ACYP2: variants seen among roughly 807,000 people sequenced by gnomAD.
ACYP2 encodes acylphosphatase 2, also known as acylphosphatase-2.
ACYP2 carries 12 observed loss-of-function variants against 11.2 expected under a neutral mutation model. The observed-to-expected ratio is 1.08, with a 90% CI of 0.69 to 1.74. The LOEUF (loss-of-function observed/expected upper bound fraction) is 1.74, where lower values mean the gene tolerates loss of function less well. Ranked by LOEUF, ACYP2 falls within the 40% of genes most tolerant of loss-of-function variation. ACYP2 has a pLI of 0.00. For missense variants in ACYP2, 134 were observed against 101.9 expected, an observed-to-expected ratio of 1.31 and a Z score of -1.35; for synonymous variants, 43 against 32.2, an observed-to-expected ratio of 1.33 and a Z score of -1.13.
At chr2:54,133,080 C>T (rs990029526) in intron 4 of ACYP2, among the ~76,000 whole-genome samples, 1 of 152,112 alleles carries the variant, frequency 6.6e-6, no homozygotes, top group Non-Finnish European at 1.5e-5. Flanking sequence ...GTCATGTAAT[C>T]CTCACCACAA....
At chr2:54,061,985 A>C (rs569551901) in intron 4 of ACYP2, among the ~76,000 whole-genome samples, 34 of 152,370 alleles carry the variant, frequency 2.2e-4, no homozygotes, top group Non-Finnish European at 3.1e-4. Context: ...TATTTTATTA[A>C]TATCTTACAT....
intron 4 of ACYP2, among the ~76,000 whole-genome samples, chr2:54,127,249 G>A (rs1235903530): frequency 1.3e-5 from 2 of 152,002 alleles, no homozygotes; most frequent in African/African-American, 2.4e-5. Flanking sequence ...TCAGTGCTAT[G>A]CTTCTATGTT....
At chr2:54,242,555 T>A (rs1391322954) in intron 6 of ACYP2, among the ~76,000 whole-genome samples, 1 of 152,254 alleles carries the variant, frequency 6.6e-6, no homozygotes, top group Non-Finnish European at 1.5e-5. Context: ...ATTCAACATT[T>A]TGATCAACGA....
chr2:54,199,033 G>T (rs544483681), intron 6 of ACYP2, among the ~76,000 whole-genome samples: 3 of 152,178 alleles, frequency 2.0e-5, no homozygotes, highest in Non-Finnish European at 4.4e-5. Context: ...ACACAGGGAA[G>T]TAACACAAAT....
chr2:54,226,687 T>C (rs1164880301), intron 6 of ACYP2, among the ~76,000 whole-genome samples: 1 of 152,178 alleles, frequency 6.6e-6, no homozygotes, highest in Non-Finnish European at 1.5e-5. Context: ...CTTTTCCAAT[T>C]TGATGTTCTT....
At chr2:54,164,348 C>G (rs752205176) in intron 6 of ACYP2, among the ~76,000 whole-genome samples, 2 of 152,116 alleles carry the variant, frequency 1.3e-5, no homozygotes, top group Non-Finnish European at 2.9e-5. Flanking sequence ...GACTTAGTCC[C>G]TTGTGCACCA....
intron 6 of ACYP2, among the ~76,000 whole-genome samples, chr2:54,270,162 C>T (rs547610316): frequency 2.6e-5 from 4 of 152,042 alleles, no homozygotes; most frequent in Non-Finnish European, 5.9e-5. Flanking sequence ...ATTATGTTTC[C>T]CTTCTTGTGT....
intron 6 of ACYP2, among the ~76,000 whole-genome samples, chr2:54,212,587 A>G (rs1685372035): frequency 6.6e-6 from 1 of 152,210 alleles, no homozygotes; most frequent in African/African-American, 2.4e-5. Context: ...AATACAAAGA[A>G]AATGGCTTAA....
intron 1 of ACYP2, among the ~76,000 whole-genome samples, chr2:53,971,749 A>G (rs933136566): frequency 6.6e-6 from 1 of 152,244 alleles, no homozygotes; most frequent in Non-Finnish European, 1.5e-5. Context: ...TCATTTTCCT[A>G]GAAGTGATAC....
chr2:54,139,871 G>C (rs72800769), intron 6 of ACYP2, among the ~76,000 whole-genome samples: 11,523 of 152,186 alleles, frequency 0.076, 667 homozygotes, highest in East Asian at 0.25. Flanking sequence ...CTTAAAAATA[G>C]TTAAGTATGC....
At chr2:54,140,334 A>G (rs1313815317) in intron 6 of ACYP2, among the ~76,000 whole-genome samples, 2 of 152,226 alleles carry the variant, frequency 1.3e-5, no homozygotes, top group Non-Finnish European at 2.9e-5. Flanking sequence ...ATAGAAGCTC[A>G]TACCAATCAT....
At chr2:54,270,691 T>A (rs1272961419) in intron 6 of ACYP2, among the ~76,000 whole-genome samples, 1 of 152,240 alleles carries the variant, frequency 6.6e-6, no homozygotes, top group African/African-American at 2.4e-5. Context: ...AATTTTATGA[T>A]AGTATATGTT....
rs116494410 is a variant in ACYP2, at chr2:54,110,514, T to G, written c.278-24939T>G. On this transcript the variant is annotated intron_variant, in intron 4 of 6. Transcript: ENST00000607452. ...GGTATATGTATTGAATTCTGTTGAT[T>G]TGAAAAACAGGACTTTTATCTCTGC... Among the ~76,000 whole-genome samples, 377 of 152,318 alleles carry G rather than the reference T, an allele frequency of 2.5e-3. 3 individuals carry two copies. The highest frequency in any genetic ancestry group is 8.3e-3 in the African/African-American group (347 of 41,568).
At chr2:54,185,364 C>T (rs1175197441) in intron 6 of ACYP2, among the ~76,000 whole-genome samples, 1 of 152,156 alleles carries the variant, frequency 6.6e-6, no homozygotes, top group Non-Finnish European at 1.5e-5. Flanking sequence ...GAGCTTGACA[C>T]AGTGGATGGC....
rs115391647 is a variant in ACYP2 at position 54,122,829 on chromosome 2, T to C, written c.278-12624T>C. 2.1e-3 allele frequency among the ~76,000 whole-genome samples: 317 copies of C among 152,264 alleles called. 1 individual carries two copies. Among genetic ancestry groups the C allele is most frequent in the Non-Finnish European group, 3.4e-3 (229 of 68,014 alleles). ...TCACCTTCCTCCCAAGGCTTTAAAA[T>C]AAGAGTTGTAGTTTGAGGGGCCCAA... On this transcript the variant is annotated intron_variant, in intron 4 of 6. Transcript: ENST00000607452.
intron 4 of ACYP2, among the ~76,000 whole-genome samples, chr2:54,120,741 G>GC (rs1471038961): frequency 6.6e-6 from 1 of 152,178 alleles, no homozygotes; most frequent in Non-Finnish European, 1.5e-5. Flanking sequence ...TCTGTGGTCA[G>GC]CCCGCAGCTG....
intron 6 of ACYP2, among the ~76,000 whole-genome samples, chr2:54,217,113 A>C (rs1275259377): frequency 6.6e-6 from 1 of 152,100 alleles, no homozygotes; most frequent in African/African-American, 2.4e-5. Context: ...GACCCATTGC[A>C]TAGATTCAAA....
intron 6 of ACYP2, among the ~76,000 whole-genome samples, chr2:54,175,378 C>G (rs1683414006): frequency 6.6e-6 from 1 of 151,994 alleles, no homozygotes; most frequent in Non-Finnish European, 1.5e-5. Flanking sequence ...GTGGTGATAT[C>G]CCCTTTATCA....
intron 3 of ACYP2, chr2:54,051,772 C>T: frequency 2.0e-6 from 1 of 493,898 alleles, no homozygotes; most frequent in Non-Finnish European, 3.7e-6. Flanking sequence ...GTGCCAGGCT[C>T]AGTGGCTCAC....
Sources: allele counts gnomAD v4.1 joint callset (sites outside exome capture counted in the v4.1 genomes callset), GRCh38; gene constraint gnomAD v4.1.1; transcripts MANE v1.5; gene names NCBI Gene and HGNC (gene_info 2026-07-23, HGNC 2026-07-21).